Variants in STEAP1B observed in about 807,000 individuals in gnomAD.
STEAP1B encodes the protein STEAP family member 1B.
In STEAP1B, 13 loss-of-function variants were observed where a neutral mutation model predicts 27.9. The ratio of observed to expected loss-of-function variants is 0.47; its 90% CI spans 0.30 to 0.74. STEAP1B has a LOEUF of 0.74. Ranked by LOEUF, STEAP1B falls within the 30% of genes least tolerant of loss-of-function variation. The pLI is 0.06. For missense variants in STEAP1B, 250 were observed against 298.7 expected (o/e 0.84, Z 1.20); for synonymous variants, 86 against 107.1 (o/e 0.80, Z 1.22).
intron 4 of STEAP1B, among the ~76,000 whole-genome samples, chr7:22,437,427 C>G (rs575835212): frequency 6.6e-6 from 1 of 152,334 alleles, no homozygotes; most frequent in Non-Finnish European, 1.5e-5. Context: ...TCACATATGG[C>G]GGGATTTCCT....
chr7:22,455,774 T>C (rs1785568074), intron 4 of STEAP1B, among the ~76,000 whole-genome samples: 1 of 152,212 alleles, frequency 6.6e-6, no homozygotes, highest in African/African-American at 2.4e-5. Context: ...GTGATATGCT[T>C]ATATAACTGG....
chr7:22,460,994 A>G (rs1200814386), intron 4 of STEAP1B, among the ~76,000 whole-genome samples: 1 of 152,198 alleles, frequency 6.6e-6, no homozygotes, highest in Non-Finnish European at 1.5e-5. Flanking sequence ...CTGAGAGGCA[A>G]TACATTGATA....
At chr7:22,442,051 C>T (rs1456972029) in intron 4 of STEAP1B, among the ~76,000 whole-genome samples, 5 of 152,226 alleles carry the variant, frequency 3.3e-5, no homozygotes, top group African/African-American at 1.2e-4. Context: ...TCCTATGCTC[C>T]TACCCACTTC....
intron 4 of STEAP1B, among the ~76,000 whole-genome samples, chr7:22,481,840 C>G (rs1021665897): frequency 6.6e-6 from 1 of 152,190 alleles, no homozygotes; most frequent in Non-Finnish European, 1.5e-5. Flanking sequence ...GCTCTTAGGA[C>G]TAAAGTCAAT....
rs140922857 is a variant in STEAP1B, at chr7:22,448,549, A to G, written c.763-28713T>C. Among the ~76,000 whole-genome samples the G allele has an allele frequency of 4.0e-3, 611 of 152,270 alleles. 4 individuals carry two copies. Among genetic ancestry groups the G allele is most frequent in the African/African-American group, 0.014 (576 of 41,550 alleles). ...ATTTTTTTAATTTGCTATAATCTTA[A>G]GACTTTAGATGTTAAAATTTTTCTT... On this transcript the variant is annotated intron_variant, in intron 4 of 4. Transcript: ENST00000678116.
chr7:22,492,092 C>A (rs1433805976), intron 4 of STEAP1B, among the ~76,000 whole-genome samples: 3 of 151,710 alleles, frequency 2.0e-5, no homozygotes, highest in African/African-American at 7.3e-5. Context: ...GAGGCCGAGG[C>A]GGGCAGATCA....
At chr7:22,421,854 C>T (rs557106177) in intron 4 of STEAP1B, among the ~76,000 whole-genome samples, 9 of 152,120 alleles carry the variant, frequency 5.9e-5, no homozygotes, top group African/African-American at 1.4e-4. Context: ...AGCTTAAAAC[C>T]GAGGTGAGGA....
At chr7:22,498,564 C>T (rs1486480260) in intron 1 of STEAP1B, among the ~76,000 whole-genome samples, 1 of 152,256 alleles carries the variant, frequency 6.6e-6, no homozygotes, top group Non-Finnish European at 1.5e-5. Flanking sequence ...TTGTGAACAA[C>T]AATGTAAGGC....
chr7:22,477,215 T>C (rs1399918667), intron 4 of STEAP1B, among the ~76,000 whole-genome samples: 1 of 152,186 alleles, frequency 6.6e-6, no homozygotes, highest in African/African-American at 2.4e-5. Flanking sequence ...TTGGGTCACA[T>C]TATGGTGTGT....
intron 4 of STEAP1B, among the ~76,000 whole-genome samples, chr7:22,425,912 T>C (rs181865238): frequency 6.6e-6 from 1 of 152,380 alleles, no homozygotes; most frequent in African/African-American, 2.4e-5. Flanking sequence ...CACAAATGGC[T>C]ATTACAGCCC....
chr7:22,481,867 C>T (rs1375828915), intron 4 of STEAP1B, among the ~76,000 whole-genome samples: 2 of 152,184 alleles, frequency 1.3e-5, no homozygotes, highest in Admixed American at 6.5e-5. Context: ...ACATTAGCAG[C>T]GGTTTCCTGT....
chr7:22,447,596 T>A (rs1289063322), intron 4 of STEAP1B, among the ~76,000 whole-genome samples: 1 of 152,234 alleles, frequency 6.6e-6, no homozygotes, highest in African/African-American at 2.4e-5. Flanking sequence ...ATCACATTTG[T>A]GGGAGTAAAG....
intron 4 of STEAP1B, among the ~76,000 whole-genome samples, chr7:22,480,817 G>C (rs1329674938): frequency 6.6e-6 from 1 of 152,170 alleles, no homozygotes; most frequent in Non-Finnish European, 1.5e-5. Context: ...TGCCTACACA[G>C]ACTTCTAGAA....
rs1329198024 is a variant in STEAP1B at position 22,419,575 on chromosome 7, A to ACAATGT, written c.*228_*229insACATTG. On this transcript the variant is annotated 3_prime_UTR_variant, in exon 5 of 5. Coordinates refer to ENST00000678116, the MANE Select transcript of STEAP1B (RefSeq NM_001382447.1). ...GCTCCGTAACAACCAACACAATCTC[A>ACAATGT]GTGGATTAGCACAACACATATGGAC... 2 of 368,588 alleles carry ACAATGT rather than the reference A, an allele frequency of 5.4e-6. No homozygotes were observed. Among genetic ancestry groups the ACAATGT allele is most frequent in the Non-Finnish European group, 9.8e-6 (2 of 204,354 alleles). 22.8% of individuals were successfully genotyped at this position (368,588 alleles called of 1,614,324 possible).
At chr7:22,438,757 T>C in intron 4 of STEAP1B, 1 of 1,544,750 alleles carries the variant, frequency 6.5e-7, no homozygotes, top group African/African-American at 1.4e-5. Flanking sequence ...CAGTATAGCC[T>C]AGAAAATGAA....
intron 4 of STEAP1B, among the ~76,000 whole-genome samples, chr7:22,484,664 A>G (rs1786169086): frequency 6.6e-6 from 1 of 152,210 alleles, no homozygotes; most frequent in South Asian, 2.1e-4. Flanking sequence ...TTTTTGAAGT[A>G]TATTTTATAA....
intron 4 of STEAP1B, among the ~76,000 whole-genome samples, chr7:22,423,985 T>C (rs35321347): frequency 0.033 from 5,009 of 152,260 alleles, 126 homozygotes; most frequent in Middle Eastern, 0.075. Flanking sequence ...GCCGTGATCA[T>C]GCAACTGCAC....
intron 4 of STEAP1B, among the ~76,000 whole-genome samples, chr7:22,464,320 A>G (rs1292912763): frequency 6.6e-6 from 1 of 151,714 alleles, no homozygotes; most frequent in East Asian, 1.9e-4. Context: ...CCTCTCCCCC[A>G]CTCTGTCCCC....
intron 4 of STEAP1B, among the ~76,000 whole-genome samples, chr7:22,476,305 A>G (rs901612618): frequency 1.3e-5 from 2 of 152,242 alleles, no homozygotes; most frequent in Admixed American, 6.5e-5. Flanking sequence ...CAAAGAAGAG[A>G]CCCAAAGCCA....
Sources: allele counts gnomAD v4.1 joint callset (sites outside exome capture counted in the v4.1 genomes callset), GRCh38; gene constraint gnomAD v4.1.1; transcripts MANE v1.5; gene names NCBI Gene and HGNC (gene_info 2026-07-23, HGNC 2026-07-21).